Variants in SEMA7A observed in about 807,000 individuals in gnomAD.
The protein encoded by SEMA7A is semaphorin 7A (JohnMiltonHagen blood group).
In SEMA7A, 21 loss-of-function variants were observed where a neutral mutation model predicts 67.5. The ratio of observed to expected loss-of-function variants is 0.31; its 90% CI spans 0.22 to 0.45. The LOEUF is 0.45. Ranked by LOEUF, SEMA7A falls within the 20% of genes least tolerant of loss-of-function variation. The probability of loss-of-function intolerance (pLI) is 1.00; values close to 1 mark genes in which losing one functional copy is unlikely to be tolerated. For synonymous variants in SEMA7A, 364 were observed against 368.5 expected (o/e 0.99, Z 0.14); for missense variants, 774 against 908.6 (o/e 0.85, Z 1.90).
chr15:74,420,043 C>T (rs2060986604), intron 1 of SEMA7A, among the ~76,000 whole-genome samples: 1 of 152,176 alleles, frequency 6.6e-6, no homozygotes, highest in African/African-American at 2.4e-5. Context: ...CTGGGTCTGA[C>T]CACTGTTTTT....
At position 74,410,957 on chromosome 15, in the gene SEMA7A, C is replaced by A; in HGVS notation, c.1668G>T (p.Leu556=). The change falls in exon 14 of 14, where the codon CTG becomes CTT. Residue 556 remains leucine, a synonymous_variant. Coordinates refer to ENST00000261918, the MANE Select transcript of SEMA7A (RefSeq NM_003612.5). The surrounding 1 kb of genome is among the most constrained non-coding windows in gnomAD (Gnocchi z 7.5). ...TCAGGTAGTAGCGAGAGTTTGGGGC[C>A]AGGGAAACCTTCTGCAGTGGGGCCT... The part of the protein sequence containing the change: ...PDKAPLQKVS[L]APNSRYYLSC... 1 of 1,613,744 alleles carries A rather than the reference C, an allele frequency of 6.2e-7. No homozygotes were observed. Among genetic ancestry groups the A allele is most frequent in the East Asian group, 2.2e-5 (1 of 44,874 alleles).
chr15:74,417,710 A>C lies in SEMA7A; in HGVS notation c.466-35T>G, dbSNP rs370457755. ...ATCCAGAGGGTTGGATGGCCACATAATCCCACAGCCACTGCCTCCCATGAC... is the reference window on the plus strand; with the variant it reads ...ATCCAGAGGGTTGGATGGCCACATACTCCCACAGCCACTGCCTCCCATGAC... On this transcript the variant is annotated intron_variant, in intron 4 of 13. Transcript: ENST00000261918. 22 of 1,581,532 alleles carry C rather than the reference A, an allele frequency of 1.4e-5. No homozygotes were observed. The African/African-American group carries it at 2.6e-4, about 18-fold the overall frequency.
At chr15:74,412,551 A>G (rs1486416695) in intron 10 of SEMA7A, among the ~76,000 whole-genome samples, 1 of 152,074 alleles carries the variant, frequency 6.6e-6, no homozygotes, top group African/African-American at 2.4e-5. Context: ...TATTTACTTT[A>G]AATACATTTT....
At position 74,411,411 on chromosome 15, in the gene SEMA7A, C is replaced by T. The variant is rs758475885; in HGVS notation, c.1578-55G>A. 6.3e-7 allele frequency: 1 copy of T among 1,597,398 alleles called. No homozygotes were observed. Among genetic ancestry groups the T allele is most frequent in the Non-Finnish European group, 8.5e-7 (1 of 1,170,084 alleles). ...CAGATACAAGGCTGCAGACCTGACC[C>T]TCCTATCCTTACCCCAGTGCAGTTC... On this transcript the variant is annotated intron_variant, in intron 12 of 13. Coordinates refer to ENST00000261918, the MANE Select transcript of SEMA7A (RefSeq NM_003612.5). The surrounding 1 kb of genome is among the most constrained non-coding windows in gnomAD (Gnocchi z 4.4).
intron 10 of SEMA7A, among the ~76,000 whole-genome samples, chr15:74,412,236 T>A (rs1326500638): frequency 6.6e-6 from 1 of 151,932 alleles, no homozygotes; most frequent in Non-Finnish European, 1.5e-5. Flanking sequence ...GGCCCAGGGG[T>A]CCCTGGATAC....
intron 1 of SEMA7A, among the ~76,000 whole-genome samples, chr15:74,428,518 T>C (rs2061060697): frequency 6.6e-6 from 1 of 152,154 alleles, no homozygotes; most frequent in African/African-American, 2.4e-5. Flanking sequence ...TGTCAGGCTG[T>C]GTGGGTTGGG....
chr15:74,433,682 C>A (rs1005499024), intron 1 of SEMA7A, 59 bp downstream of exon 1: 3 of 1,369,208 alleles, frequency 2.2e-6, no homozygotes, highest in South Asian at 1.7e-5. Flanking sequence ...CAGCACACTC[C>A]GCACCCGCCC....
rs550899916 is a variant in SEMA7A at position 74,424,185 on chromosome 15, G to A, written c.179-5233C>T. 3.9e-5 allele frequency among the ~76,000 whole-genome samples: 6 copies of A among 152,276 alleles called. No homozygotes were observed. The South Asian group carries it at 1.2e-3, about 32-fold the overall frequency. Reference sequence around the variant, plus strand: ...AGCCTCATTATCTCTTTGGTGGCTGGACAGCTGGCTGGCTGTGACGGTGAT... The same window carrying A: ...AGCCTCATTATCTCTTTGGTGGCTGAACAGCTGGCTGGCTGTGACGGTGAT... On this transcript the variant is annotated intron_variant, in intron 1 of 13. Transcript: ENST00000261918.
intron 2 of SEMA7A, 133 bp downstream of exon 2, chr15:74,418,668 C>G (rs562432763): frequency 1.1e-5 from 11 of 979,498 alleles, no homozygotes; most frequent in African/African-American, 3.2e-5. Flanking sequence ...CCCCCAGGAG[C>G]CATTTATAGG....
intron 1 of SEMA7A, among the ~76,000 whole-genome samples, chr15:74,431,719 G>T (rs1176322345): frequency 6.6e-6 from 1 of 152,268 alleles, no homozygotes; most frequent in African/African-American, 2.4e-5. Flanking sequence ...GAGACAGGAG[G>T]CAGCTGTCAG....
At position 74,411,027 on chromosome 15, in the gene SEMA7A, A is replaced by T. The variant is rs761505281; in HGVS notation, c.1640-42T>A. On this transcript the variant is annotated intron_variant, in intron 13 of 13. Transcript: ENST00000261918. The surrounding 1 kb of genome is among the most constrained non-coding windows in gnomAD (Gnocchi z 4.4). ...GAAGCAGCCGTGAGGAGGGACAAAG[A>T]GCTCCCAGGGGAGGATGTGTCCTCC... The T allele has an allele frequency of 1.9e-6, 3 of 1,583,808 alleles. No individual in the cohort carries two copies. The East Asian group carries it at 6.7e-5, about 35-fold the overall frequency.
chr15:74,421,382 C>A (rs1026973113), intron 1 of SEMA7A, among the ~76,000 whole-genome samples: 1 of 152,200 alleles, frequency 6.6e-6, no homozygotes, highest in Non-Finnish European at 1.5e-5. Context: ...AGCACTAGGG[C>A]CCGGACAATC....
In SEMA7A at chr15:74,409,947, C is replaced by A. The variant is rs1157748575; in HGVS notation, c.*677G>T. On this transcript the variant is annotated 3_prime_UTR_variant, in exon 14 of 14. Coordinates refer to ENST00000261918, the MANE Select transcript of SEMA7A (RefSeq NM_003612.5). ...CCCAGCCCCTCCCTTTCCCACCCAC[C>A]CCCCCGCATGTAGTTTTGGTATTTT... is the stretch of plus-strand genomic sequence containing the variant. 1 of 140,068 alleles carries A rather than the reference C, an allele frequency of 7.1e-6. No individual in the cohort carries two copies. The highest frequency in any genetic ancestry group is 1.6e-5 in the Non-Finnish European group (1 of 63,982). 8.7% of individuals were successfully genotyped at this position (140,068 alleles called of 1,614,324 possible).
chr15:74,410,437 G>T lies in SEMA7A; in HGVS notation c.*187C>A. On this transcript the variant is annotated 3_prime_UTR_variant, in exon 14 of 14. Coordinates refer to ENST00000261918, the MANE Select transcript of SEMA7A (RefSeq NM_003612.5). The surrounding 1 kb of genome is among the most constrained non-coding windows in gnomAD (Gnocchi z 7.5). ...CCTCATTCTCAGCCCCTCACCATCC[G>T]TGCGCCACCTGGGGCCCAGCAGCCG... 1 of 757,416 alleles carries T rather than the reference G, an allele frequency of 1.3e-6. No homozygotes were observed. Among genetic ancestry groups the T allele is most frequent in the East Asian group, 2.8e-5 (1 of 36,106 alleles). The allele number at this position is 757,416 out of a possible 1,614,324, so 46.9% of individuals were successfully genotyped here. A position where few individuals can be genotyped will look rare whatever the true frequency, so the allele number is the denominator to read the frequency against.
intron 1 of SEMA7A, among the ~76,000 whole-genome samples, chr15:74,431,319 T>A (rs1040110051): frequency 6.6e-6 from 1 of 152,220 alleles, no homozygotes; most frequent in African/African-American, 2.4e-5. Flanking sequence ...TCTCTCTCCC[T>A]GGCCTGAGCT....
Position 74,411,424 on chromosome 15 carries a change from C to T in SEMA7A, c.1578-68G>A. ...GCAGACCTGACCCTCCTATCCTTAC[C>T]CCAGTGCAGTTCCAGCAGAGAGGAG... On this transcript the variant is annotated intron_variant, in intron 12 of 13. Transcript: ENST00000261918. This position sits in a 1 kb window ranked among gnomAD's most constrained non-coding sequence, Gnocchi z 4.4. 6.3e-7 allele frequency: 1 copy of T among 1,579,576 alleles called. No individual in the cohort carries two copies. Among genetic ancestry groups the T allele is most frequent in the Admixed American group, 1.8e-5 (1 of 57,098 alleles).
chr15:74,415,386 G>A (rs925138261), intron 8 of SEMA7A, among the ~76,000 whole-genome samples: 24 of 152,120 alleles, frequency 1.6e-4, no homozygotes, highest in Admixed American at 6.5e-4. Context: ...CAACACTTCC[G>A]CCTGCCGTGT....
At chr15:74,428,441 A>G (rs536384195) in intron 1 of SEMA7A, among the ~76,000 whole-genome samples, 2 of 152,226 alleles carry the variant, frequency 1.3e-5, no homozygotes, top group South Asian at 4.1e-4. Flanking sequence ...CAGTTTCCCC[A>G]TCTGTGGAAT....
intron 1 of SEMA7A, among the ~76,000 whole-genome samples, chr15:74,420,143 G>A (rs940141584): frequency 2.0e-5 from 3 of 152,186 alleles, no homozygotes; most frequent in African/African-American, 7.2e-5. Flanking sequence ...CCTCAACTCT[G>A]CCCCCGATCC....
Sources: allele counts gnomAD v4.1 joint callset (sites outside exome capture counted in the v4.1 genomes callset), GRCh38; gene constraint gnomAD v4.1.1; non-coding constraint Gnocchi (gnomAD v3.1); transcripts MANE v1.5; gene names NCBI Gene and HGNC (gene_info 2026-07-23, HGNC 2026-07-21).